The following LAMA2 variants were observed in gnomAD, a reference collection of about 807,000 sequenced individuals.
LAMA2 encodes the protein laminin subunit alpha-2.
A neutral mutation model predicts 364.8 loss-of-function variants in LAMA2; 269 were observed. The ratio of observed to expected loss-of-function variants is 0.74; its 90% confidence interval spans 0.67 to 0.82. The LOEUF is 0.82. Ranked by LOEUF, LAMA2 falls within the 40% of genes least tolerant of loss-of-function variation. The pLI, the probability that LAMA2 is intolerant of heterozygous loss-of-function variation, is 0.00. For missense variants in LAMA2, 3,807 were observed against 3,873.2 expected, an observed-to-expected ratio of 0.98 and a Z score of 0.45; for synonymous variants, 1,379 against 1,370.6, an observed-to-expected ratio of 1.01 and a Z score of -0.14.
chr6:129,165,819 C>A, intron 9 of LAMA2, 144 bp downstream of exon 9: 3 of 659,808 alleles, frequency 4.5e-6, no homozygotes, highest in South Asian at 1.7e-5. Flanking sequence ...AGCGTTCCCT[C>A]CAGGAAGTAG....
chr6:129,492,972 CG>C (rs1038583352), intron 58 of LAMA2, among the ~76,000 whole-genome samples: 4 of 151,968 alleles, frequency 2.6e-5, no homozygotes, highest in Non-Finnish European at 5.9e-5. Context: ...TGGGCAACCA[CG>C]GTGAAACCCC....
intron 51 of LAMA2, among the ~76,000 whole-genome samples, chr6:129,471,960 A>G (rs749120607): frequency 6.6e-6 from 1 of 151,918 alleles, no homozygotes; most frequent in Non-Finnish European, 1.5e-5. Flanking sequence ...TTGGAATTTG[A>G]TGTTTCTCTC....
intron 3 of LAMA2, among the ~76,000 whole-genome samples, chr6:129,066,125 A>G (rs2114808562): frequency 7.6e-6 from 1 of 131,460 alleles, no homozygotes; most frequent in East Asian, 2.2e-4. Flanking sequence ...GGCTCACTGC[A>G]AGCTCCGCCT....
chr6:129,144,125 C>G, intron 5 of LAMA2, 45 bp downstream of exon 5: 2 of 1,466,526 alleles, frequency 1.4e-6, no homozygotes, highest in Non-Finnish European at 1.9e-6. Flanking sequence ...TGATATCCCA[C>G]TTATCTTTTT....
chr6:129,473,161 G>A, intron 51 of LAMA2, 53 bp from the exon 52 acceptor site: 1 of 1,383,212 alleles, frequency 7.2e-7, no homozygotes, highest in South Asian at 1.2e-5. Context: ...TGATGATATA[G>A]ATGTGGTTGA....
chr6:129,456,449 T>A lies in LAMA2; in HGVS notation c.6822T>A (p.Asp2274Glu), dbSNP rs922037518. Reference protein sequence around the residue: ...SPPGYTILDVDANAMLFVGGL... With the variant: ...SPPGYTILDVEANAMLFVGGL... The stretch of plus-strand genomic sequence containing the variant: ...CAGGGTACACGATTCTAGATGTGGA[T>A]GCAAATGCAATGCTGTTTGTTGGTG... The change falls in exon 48 of 65, where the codon GAT (aspartate) becomes GAA (glutamate). Residue 2274 changes from aspartate (D) to glutamate (E), a missense_variant. By Grantham distance (45) the Asp-to-Glu change is conservative. Around this residue, in one of 3 missense-constraint regions of LAMA2, gnomAD observed 3,333 missense variants for 3,345.7 expected, o/e 1.00. Transcript: ENST00000421865. 5.0e-6 allele frequency: 8 copies of A among 1,613,598 alleles called. No homozygotes were observed. Among genetic ancestry groups the A allele is most frequent in the Non-Finnish European group, 6.8e-6 (8 of 1,179,628 alleles).
intron 14 of LAMA2, among the ~76,000 whole-genome samples, chr6:129,253,207 A>C (rs1032039674): frequency 6.6e-6 from 1 of 152,024 alleles, no homozygotes; most frequent in African/African-American, 2.4e-5. Flanking sequence ...CTCGTTTTCT[A>C]CTCTAATAAT....
intron 12 of LAMA2, among the ~76,000 whole-genome samples, chr6:129,200,436 A>G (rs962635652): frequency 4.0e-5 from 6 of 150,450 alleles, no homozygotes; most frequent in East Asian, 2.0e-4. Flanking sequence ...ATGTGTACAC[A>G]TATACATATA....
chr6:129,126,791 C>T (rs192289106), intron 4 of LAMA2, among the ~76,000 whole-genome samples: 329 of 152,198 alleles, frequency 2.2e-3, no homozygotes, highest in Middle Eastern at 6.8e-3. Context: ...ATTTAAGATC[C>T]GATAGGGACT....
chr6:129,159,226 G>T (rs1241933854), intron 8 of LAMA2: 47 of 982,754 alleles, frequency 4.8e-5, no homozygotes, highest in Non-Finnish European at 6.0e-5. Context: ...GTAAAAGATC[G>T]CAAGCACTTG....
In LAMA2 at chr6:129,098,405, A is replaced by G. The variant is rs763792139; in HGVS notation, c.629A>G (p.Glu210Gly). The G allele has an allele frequency of 6.2e-7, 1 of 1,614,074 alleles. No individual in the cohort carries two copies. Among genetic ancestry groups the G allele is most frequent in the South Asian group, 1.1e-5 (1 of 91,074 alleles). Residue 210 changes from glutamate to glycine, a missense_variant, in exon 4 of 65, where the codon GAA becomes GGA. Physicochemically the swap from Glu to Gly is moderately conservative, Grantham distance 98 (BLOSUM62 -2). Transcript: ENST00000421865. ...TSFYSKIHPLENGEIHISLIN... is the reference protein window; with the variant it reads ...TSFYSKIHPLGNGEIHISLIN... ...TTTTACTCCAAGATACACCCCTTAGAAAATGGAGAGGTAAGATGAGAAAAC... is the reference window on the plus strand; with the variant it reads ...TTTTACTCCAAGATACACCCCTTAGGAAATGGAGAGGTAAGATGAGAAAAC...
chr6:128,888,920 G>A (rs1020424052), intron 1 of LAMA2, among the ~76,000 whole-genome samples: 2 of 152,128 alleles, frequency 1.3e-5, no homozygotes, highest in African/African-American at 4.8e-5. Flanking sequence ...TTTATCTCTT[G>A]TCCCAAACAC....
intron 41 of LAMA2, 32 bp from the exon 42 acceptor site, chr6:129,438,614 A>T: frequency 9.1e-7 from 1 of 1,094,458 alleles, no homozygotes; most frequent in Non-Finnish European, 1.4e-6. Context: ...GATAAAACTT[A>T]TTTAATCCTT....
At chr6:129,166,509 G>C (rs184286478) in intron 9 of LAMA2, among the ~76,000 whole-genome samples, 1 of 152,236 alleles carries the variant, frequency 6.6e-6, no homozygotes, top group East Asian at 1.9e-4. Context: ...ATCAATCTGA[G>C]CATTACATGT....
intron 35 of LAMA2, among the ~76,000 whole-genome samples, chr6:129,387,825 T>A (rs1200312259): frequency 1.3e-5 from 2 of 152,190 alleles, no homozygotes; most frequent in Non-Finnish European, 2.9e-5. Flanking sequence ...CACCACATGT[T>A]CTCGCTCATA....
chr6:128,967,153 A>C (rs1322605973), intron 1 of LAMA2, among the ~76,000 whole-genome samples: 4 of 152,208 alleles, frequency 2.6e-5, no homozygotes, highest in Non-Finnish European at 5.9e-5. Context: ...GGCTCTTTGC[A>C]GACAGAGAGC....
rs538295154 is a variant in LAMA2, at chr6:128,942,136, C to G, written c.112+58779C>G. On this transcript the variant is annotated intron_variant, in intron 1 of 64. Transcript: ENST00000421865. ...CTTGACTTCTACTTGCACAGCTCTACTTATTCAAGCTCTGTTTCGGACATT... is the reference window on the plus strand; with the variant it reads ...CTTGACTTCTACTTGCACAGCTCTAGTTATTCAAGCTCTGTTTCGGACATT... Among the ~76,000 whole-genome samples the G allele has an allele frequency of 2.6e-5, 4 of 152,278 alleles. No homozygotes were observed. The South Asian group carries it at 6.2e-4, about 24-fold the overall frequency.
At chr6:129,334,226 G>A (rs1775818350) in intron 29 of LAMA2, among the ~76,000 whole-genome samples, 1 of 152,134 alleles carries the variant, frequency 6.6e-6, no homozygotes, top group African/African-American at 2.4e-5. Context: ...CCTCTACCTT[G>A]GTATAGTGGC....
Position 129,189,952 on chromosome 6 carries a change from A to G in LAMA2, c.1468-253A>G, listed in dbSNP as rs572947489. ...GACATTTACTCTACACTCAACCTAC[A>G]TGAAGATCAACATAGTCACTTTTAC... On this transcript the variant is annotated intron_variant, in intron 10 of 64. Transcript: ENST00000421865. Among the ~76,000 whole-genome samples the G allele has an allele frequency of 9.8e-5, 15 of 152,302 alleles. No homozygotes were observed. In the South Asian group the frequency reaches 1.7e-3, roughly 17 times the overall value.
Sources: allele counts gnomAD v4.1 joint callset (sites outside exome capture counted in the v4.1 genomes callset), GRCh38; gene constraint gnomAD v4.1.1; regional missense constraint gnomAD v4.1.1; transcripts MANE v1.5; gene names NCBI Gene and HGNC (gene_info 2026-07-23, HGNC 2026-07-21).